MAP3K2: variants seen among roughly 807,000 people sequenced by gnomAD.
MAP3K2 encodes mitogen-activated protein kinase kinase kinase 2.
MAP3K2 carries 24 observed loss-of-function variants against 80.3 expected under a neutral mutation model. The ratio of observed to expected loss-of-function variants is 0.30; its 90% confidence interval spans 0.22 to 0.42. The LOEUF is 0.42. Among genes scored for constraint, MAP3K2 ranks in the 10% least tolerant of loss-of-function variants. The probability of loss-of-function intolerance (pLI) is 1.00; values close to 1 mark genes in which losing one functional copy is unlikely to be tolerated. For synonymous variants in MAP3K2, 244 were observed against 253.7 expected, an observed-to-expected ratio of 0.96 and a Z score of 0.36; for missense variants, 608 against 750.1, an observed-to-expected ratio of 0.81 and a Z score of 2.21.
At position 127,299,600 on chromosome 2, in the gene MAP3K2, T is replaced by C. The variant is rs530882440; in HGVS notation, c.*7979A>G. On this transcript the variant is annotated 3_prime_UTR_variant, in exon 17 of 17. Coordinates refer to ENST00000682094, the MANE Select transcript of MAP3K2 (RefSeq NM_001371910.2). ...AAAGGCCATTTTTAGCGGTGTGTTT[T>C]TGCTACTGCTTAAAACCTATTTTTC... 59 of 152,284 alleles carry C rather than the reference T, an allele frequency of 3.9e-4. No homozygotes were observed. The highest frequency in any genetic ancestry group is 1.4e-3 in the African/African-American group (59 of 41,574). The allele number at this position is 152,284 out of a possible 1,614,324, so 9.4% of individuals were successfully genotyped here.
intron 15 of MAP3K2, among the ~76,000 whole-genome samples, chr2:127,311,056 A>G (rs1685799122): frequency 6.6e-6 from 1 of 152,120 alleles, no homozygotes; most frequent in African/African-American, 2.4e-5. Context: ...GGAGAGGATA[A>G]AGAGACCCCA....
In MAP3K2 at chr2:127,298,975, A is replaced by T. The variant is rs898061907; in HGVS notation, c.*8604T>A. On this transcript the variant is annotated 3_prime_UTR_variant, in exon 17 of 17. Transcript: ENST00000682094. ...TTTTAAAAAAAAGCTATTTACCAGC[A>T]AGAAAAAACAAGTACCTAGAAATTA... The T allele has an allele frequency of 6.6e-6, 1 of 152,206 alleles. No individual in the cohort carries two copies. The highest frequency in any genetic ancestry group is 2.4e-5 in the African/African-American group (1 of 41,448). 9.4% of individuals were successfully genotyped at this position (152,206 alleles called of 1,614,324 possible). A position where few individuals can be genotyped will look rare whatever the true frequency, so the allele number is the denominator to read the frequency against.
At chr2:127,373,804 G>A (rs1335863305) in intron 1 of MAP3K2, among the ~76,000 whole-genome samples, 1 of 152,174 alleles carries the variant, frequency 6.6e-6, no homozygotes, top group African/African-American at 2.4e-5. Context: ...TCAGGCCTCA[G>A]ACAATGCAAT....
chr2:127,386,762 A>G (rs1687358254), intron 1 of MAP3K2, among the ~76,000 whole-genome samples: 1 of 152,198 alleles, frequency 6.6e-6, no homozygotes, highest in Non-Finnish European at 1.5e-5. Context: ...TGTGTTTAGA[A>G]TTTATCCCAT....
intron 1 of MAP3K2, among the ~76,000 whole-genome samples, chr2:127,370,034 G>T (rs1016088661): frequency 6.9e-6 from 1 of 145,690 alleles, no homozygotes; most frequent in Admixed American, 7.2e-5. Context: ...ACAAGGGGAT[G>T]TAAAGAAACT....
At chr2:127,347,810 T>C (rs189112187) in intron 1 of MAP3K2, among the ~76,000 whole-genome samples, 2 of 152,172 alleles carry the variant, frequency 1.3e-5, no homozygotes, top group East Asian at 3.9e-4. Context: ...ATAAAGATGC[T>C]CAGTATCATC....
At chr2:127,342,694 A>ATGG (rs66672729) in intron 2 of MAP3K2, among the ~76,000 whole-genome samples, 1 of 76 alleles carries the variant, frequency 0.013, no homozygotes, top group Non-Finnish European at 0.023. Flanking sequence ...GGAAAACAAA[A>ATGG]TATGTAAACT....
At position 127,308,731 on chromosome 2, in the gene MAP3K2, G is replaced by A. The variant is rs753761931; in HGVS notation, c.1488C>T (p.Asn496=). 35 of 1,613,594 alleles carry A rather than the reference G, an allele frequency of 2.2e-5. No homozygotes were observed. The highest frequency in any genetic ancestry group is 3.3e-4 in the Middle Eastern group (2 of 6,082). The change falls in exon 16 of 17, where the codon AAC becomes AAT. Residue 496 remains asparagine, a synonymous_variant. Coordinates refer to ENST00000682094, the MANE Select transcript of MAP3K2 (RefSeq NM_001371910.2). Reference sequence around the variant, plus strand: ...TGGCCCCAAAATCTCCTAGTTTGACGTTGCCTGTTGAATCTCGCAGGATAT... The same window carrying A: ...TGGCCCCAAAATCTCCTAGTTTGACATTGCCTGTTGAATCTCGCAGGATAT... ...GANILRDSTG[N]VKLGDFGASK...
Position 127,308,693 on chromosome 2 carries a change from T to C in MAP3K2, c.1526A>G (p.Gln509Arg). 1 of 1,614,022 alleles carries C rather than the reference T, an allele frequency of 6.2e-7. No individual in the cohort carries two copies. The highest frequency in any genetic ancestry group is 8.5e-7 in the Non-Finnish European group (1 of 1,179,878). The change falls in exon 16 of 17, where the codon CAG becomes CGG. Residue 509 changes from glutamine to arginine, a missense_variant. Gln to Arg is a conservative substitution (Grantham distance 43). Around this residue, in one of 4 missense-constraint regions of MAP3K2, gnomAD observed 88 missense variants for 132.4 expected, o/e 0.66. Coordinates refer to ENST00000682094, the MANE Select transcript of MAP3K2 (RefSeq NM_001371910.2). The part of the protein sequence containing the change: ...LGDFGASKRL[Q>R]TICLSGTGMK... ...TCCTGTCCCTGAGAGACAGATGGTC[T>C]GAAGCCGTTTGCTGGCCCCAAAATC...
chr2:127,313,084 T>C (rs909475705), intron 15 of MAP3K2, among the ~76,000 whole-genome samples: 1 of 152,236 alleles, frequency 6.6e-6, no homozygotes. Flanking sequence ...TAAGATCATA[T>C]TGCACATCCA....
intron 1 of MAP3K2, among the ~76,000 whole-genome samples, chr2:127,373,446 C>T (rs1030941434): frequency 5.3e-5 from 8 of 152,166 alleles, no homozygotes; most frequent in Non-Finnish European, 1.0e-4. Flanking sequence ...TCAGAAATTA[C>T]TAGGTGATAT....
chr2:127,312,818 C>T (rs1464339630), intron 15 of MAP3K2, among the ~76,000 whole-genome samples: 1 of 151,946 alleles, frequency 6.6e-6, no homozygotes, highest in East Asian at 1.9e-4. Context: ...CAAAATTAGC[C>T]GGGTGTGATG....
At chr2:127,386,532 G>A (rs879338422) in intron 1 of MAP3K2, among the ~76,000 whole-genome samples, 3 of 152,194 alleles carry the variant, frequency 2.0e-5, no homozygotes, top group Non-Finnish European at 4.4e-5. Context: ...GGGCATCAAG[G>A]TCAAACTACA....
At chr2:127,317,185 A>C (rs2104814495) in intron 14 of MAP3K2, among the ~76,000 whole-genome samples, 1 of 152,242 alleles carries the variant, frequency 6.6e-6, no homozygotes, top group African/African-American at 2.4e-5. Flanking sequence ...TGGGAGGCTA[A>C]GGCAGAAGAA....
intron 2 of MAP3K2, among the ~76,000 whole-genome samples, chr2:127,340,722 CTTTTTT>C (rs1035306543): frequency 6.6e-6 from 1 of 151,204 alleles, no homozygotes; most frequent in Non-Finnish European, 1.5e-5. Flanking sequence ...AACTCTAATT[CTTTTTT>C]TATTTTTTTG....
intron 7 of MAP3K2, among the ~76,000 whole-genome samples, chr2:127,327,108 T>G (rs1686156996): frequency 6.6e-6 from 1 of 152,202 alleles, no homozygotes; most frequent in African/African-American, 2.4e-5. Flanking sequence ...ATTTCTGGCA[T>G]TAAGACAGTT....
rs766269902 is a variant in MAP3K2 at position 127,345,130 on chromosome 2, G to A, written c.-65-1936C>T. On this transcript the variant is annotated intron_variant, in intron 1 of 16. Coordinates refer to ENST00000682094, the MANE Select transcript of MAP3K2 (RefSeq NM_001371910.2). Reference sequence around the variant, plus strand: ...TGGCCTCCCTAAGTGCTGGGACTACGAACCACAACACCTGGTCCACATTTT... The same window carrying A: ...TGGCCTCCCTAAGTGCTGGGACTACAAACCACAACACCTGGTCCACATTTT... Among the ~76,000 whole-genome samples, 83 of 152,262 alleles carry A rather than the reference G, an allele frequency of 5.5e-4. 1 individual carries two copies. Among genetic ancestry groups the A allele is most frequent in the Admixed American group, 3.2e-3 (49 of 15,292 alleles).
At chr2:127,319,259 AC>A (rs1685967635) in intron 12 of MAP3K2, among the ~76,000 whole-genome samples, 1 of 146,204 alleles carries the variant, frequency 6.8e-6, no homozygotes, top group Non-Finnish European at 1.5e-5. Flanking sequence ...AAAAAACCCT[AC>A]CCCTGAGAGA....
intron 1 of MAP3K2, among the ~76,000 whole-genome samples, chr2:127,374,651 A>C (rs976119813): frequency 3.3e-5 from 5 of 152,220 alleles, no homozygotes; most frequent in African/African-American, 9.6e-5. Context: ...AGATATGTAC[A>C]TGTATCCATT....
Sources: gnomAD v4.1 joint callset for allele counts (sites outside exome capture counted in the v4.1 genomes callset) on GRCh38, gnomAD v4.1.1 for gene constraint, gnomAD v4.1.1 regional missense constraint, MANE v1.5 for transcripts, NCBI Gene and HGNC (gene_info 2026-07-23, HGNC 2026-07-21) for gene names.